The following SRRT variants were observed in gnomAD, a reference collection of about 807,000 sequenced individuals.
SRRT encodes the protein serrate, RNA effector molecule, also known as serrate RNA effector molecule homolog.
In SRRT, 32 loss-of-function variants were observed where a neutral mutation model predicts 103.2. The observed-to-expected ratio is 0.31, with a 90% confidence interval of 0.23 to 0.42. The LOEUF is 0.42. SRRT is among the 10% of genes least tolerant of loss of function. The pLI is 1.00. For missense variants in SRRT, 986 were observed against 1,207.5 expected, an observed-to-expected ratio of 0.82 and a Z score of 2.72; for synonymous variants, 525 against 449.0, an observed-to-expected ratio of 1.17 and a Z score of -2.14.
chr7:100,884,406 C>T lies in SRRT; in HGVS notation c.796C>T (p.Arg266Cys), dbSNP rs772392508. Residue 266 changes from arginine (R) to cysteine (C), a missense_variant, in exon 7 of 20, where the codon CGC becomes TGC. Arg to Cys is a radical substitution (Grantham distance 180). Coordinates refer to ENST00000611405, the MANE Select transcript of SRRT (RefSeq NM_015908.6). ...GGAAGGAGGCACGGAGAATGATCTT[C>T]GCATCCTGGAGCAGGAGGAGGAGGA... ...KMEGGTENDL[R>C]ILEQEEEEEQ... 1.5e-5 allele frequency: 25 copies of T among 1,613,508 alleles called. No homozygotes were observed. Among genetic ancestry groups the T allele is most frequent in the Middle Eastern group, 1.6e-4 (1 of 6,084 alleles).
intron 3 of SRRT, 113 bp from the exon 4 acceptor site, chr7:100,881,546 C>T (rs17162522): frequency 1.3e-6 from 2 of 1,569,940 alleles, no homozygotes; most frequent in Admixed American, 1.9e-5. Flanking sequence ...TTACTTTGTC[C>T]CTTGAAACCC....
intron 2 of SRRT, 114 bp downstream of exon 2, chr7:100,875,826 C>T: frequency 1.6e-5 from 22 of 1,359,830 alleles, no homozygotes; most frequent in Non-Finnish European, 2.1e-5. Flanking sequence ...TGAAATGGCT[C>T]ATTGGACCGT....
Position 100,886,359 on chromosome 7 carries a change from CG to C in SRRT, c.1573del (p.Ala525ProfsTer3). The C allele has an allele frequency of 6.2e-7, 1 of 1,613,782 alleles. No individual in the cohort carries two copies. Among genetic ancestry groups the C allele is most frequent in the Non-Finnish European group, 8.5e-7 (1 of 1,180,020 alleles). The part of the protein sequence containing the change: ...KQIVRNDIKL[A>X]AKLIHTLDDR... Reference sequence around the variant, plus strand: ...ATTGTGCGCAACGACATCAAGCTGGCGGCCAAGCTGATCCACACGCTGGATG... The same window carrying C: ...ATTGTGCGCAACGACATCAAGCTGGCGCCAAGCTGATCCACACGCTGGATG... On this transcript the variant is annotated frameshift_variant, in exon 13 of 20. Coordinates refer to ENST00000611405, the MANE Select transcript of SRRT (RefSeq NM_015908.6). LOFTEE classifies it high-confidence loss of function.
At chr7:100,875,876 A>C in intron 2 of SRRT, 164 bp downstream of exon 2, 2 of 800,322 alleles carry the variant, frequency 2.5e-6, no homozygotes, top group Non-Finnish European at 3.9e-6. Flanking sequence ...CCAAATAACT[A>C]GCTGTGGCTT....
Position 100,882,510 on chromosome 7 carries a change from G to A in SRRT, c.587+269G>A. 1 of 374,626 alleles carries A rather than the reference G, an allele frequency of 2.7e-6. No individual in the cohort carries two copies. Among genetic ancestry groups the A allele is most frequent in the South Asian group, 4.0e-5 (1 of 25,252 alleles). 23.2% of individuals were successfully genotyped at this position (374,626 alleles called of 1,614,324 possible). On this transcript the variant is annotated intron_variant, in intron 5 of 19. Transcript: ENST00000611405. The surrounding 1 kb of genome is among the most constrained non-coding windows in gnomAD (Gnocchi z 4.2). ...CAGAGCCACTTGGCCCCTTGGGGCA[G>A]CAGACAGACTGCTTCCCACTTGTTG...
rs1815556100 is a variant in SRRT at position 100,875,275 on chromosome 7, G to A, written c.-72G>A. On this transcript the variant is annotated 5_prime_UTR_variant, in exon 1 of 20. Transcript: ENST00000611405. ...TCGTCGCGCGCCCGCGACCCAGGTC[G>A]CCCTGAAATCTAGCCCGTCCGAGCG... 2 of 716,000 alleles carry A rather than the reference G, an allele frequency of 2.8e-6. No individual in the cohort carries two copies. The highest frequency in any genetic ancestry group is 3.7e-6 in the Non-Finnish European group (2 of 536,098). The allele number at this position is 716,000 out of a possible 1,614,324, so 44.4% of individuals were successfully genotyped here.
chr7:100,875,752 C>G lies in SRRT; in HGVS notation c.122+40C>G, dbSNP rs761675300. ...ACTTCATCTTGTCCCCGTTTCATGCCGTTTCACTCCACCCGCGTCGCTTTT... is the reference window on the plus strand; with the variant it reads ...ACTTCATCTTGTCCCCGTTTCATGCGGTTTCACTCCACCCGCGTCGCTTTT... On this transcript the variant is annotated intron_variant, in intron 2 of 19. Coordinates refer to ENST00000611405, the MANE Select transcript of SRRT (RefSeq NM_015908.6). 31 of 1,608,318 alleles carry G rather than the reference C, an allele frequency of 1.9e-5. No homozygotes were observed. In the African/African-American group the frequency reaches 2.1e-4, roughly 11 times the overall value.
At chr7:100,881,570 C>T in intron 3 of SRRT, 89 bp from the exon 4 acceptor site, 1 of 1,586,282 alleles carries the variant, frequency 6.3e-7, no homozygotes, top group Non-Finnish European at 8.6e-7. Flanking sequence ...TCTGGGAGAC[C>T]ATGCTGTGTG....
At position 100,885,227 on chromosome 7, in the gene SRRT, GAGA is replaced by G. The variant is rs751550017; in HGVS notation, c.1177_1179del (p.Lys393del). 4 of 1,613,940 alleles carry G rather than the reference GAGA, an allele frequency of 2.5e-6. No individual in the cohort carries two copies. The highest frequency in any genetic ancestry group is 3.3e-5 in the Admixed American group (2 of 59,984). ...TTCCTGCCTAGAAGAAGCGCTCAAG[GAGA>G]AGGAGAAGCCCAAGGAAGAAGAATG... is the stretch of plus-strand genomic sequence containing the variant. On this transcript the variant is annotated inframe_deletion, in exon 10 of 20. Coordinates refer to ENST00000611405, the MANE Select transcript of SRRT (RefSeq NM_015908.6). The surrounding 1 kb of genome is among the most constrained non-coding windows in gnomAD (Gnocchi z 4.8).
In SRRT at chr7:100,887,359, C is replaced by A; in HGVS notation, c.2015C>A (p.Pro672Gln). 1 of 1,614,158 alleles carries A rather than the reference C, an allele frequency of 6.2e-7. No homozygotes were observed. The highest frequency in any genetic ancestry group is 8.5e-7 in the Non-Finnish European group (1 of 1,180,034). Residue 672 changes from proline (P) to glutamine (Q), a missense_variant, in exon 16 of 20, where the codon CCG becomes CAG. Pro to Gln is a moderately conservative substitution (Grantham distance 76). Around this residue, in one of 6 missense-constraint regions of SRRT, gnomAD observed 349 missense variants for 446.9 expected, o/e 0.78. Coordinates refer to ENST00000611405, the MANE Select transcript of SRRT (RefSeq NM_015908.6). This position sits in a 1 kb window ranked among gnomAD's most constrained non-coding sequence, Gnocchi z 4.1. ...WQKTFEEKLT[P>Q]LLSVRESLSE... Reference sequence around the variant, plus strand: ...AAGACTTTTGAGGAGAAGCTCACGCCGTTGCTGAGTGTGCGGGAGTCACTC... The same window carrying A: ...AAGACTTTTGAGGAGAAGCTCACGCAGTTGCTGAGTGTGCGGGAGTCACTC...
Position 100,888,336 on chromosome 7 carries a change from T to C in SRRT, c.2508T>C (p.Tyr836=), listed in dbSNP as rs747439448. ...CGTATGGTGCTGGTCGAGGGAACTATGATGCCTTCCGAGGCCAGGGAGGTT... is the reference window on the plus strand; with the variant it reads ...CGTATGGTGCTGGTCGAGGGAACTACGATGCCTTCCGAGGCCAGGGAGGTT... The part of the protein sequence containing the change: ...HAPYGAGRGN[Y]DAFRGQGGYP... Residue 836 remains tyrosine, a synonymous_variant, in exon 19 of 20, where the codon TAT becomes TAC. Coordinates refer to ENST00000611405, the MANE Select transcript of SRRT (RefSeq NM_015908.6). 1.2e-6 allele frequency: 2 copies of C among 1,614,140 alleles called. No homozygotes were observed. The highest frequency in any genetic ancestry group is 3.3e-5 in the Admixed American group (2 of 60,020).
chr7:100,887,568 A>C lies in SRRT; in HGVS notation c.2169+55A>C. The C allele has an allele frequency of 3.8e-6, 6 of 1,595,378 alleles. No homozygotes were observed. Among genetic ancestry groups the C allele is most frequent in the Non-Finnish European group, 5.1e-6 (6 of 1,168,544 alleles). ...CGGTGGTGGGAGGTGGGGTTGAGAC[A>C]GGAAGCCCCCTGGGCAGGGGTGGGG... On this transcript the variant is annotated intron_variant, in intron 16 of 19. Coordinates refer to ENST00000611405, the MANE Select transcript of SRRT (RefSeq NM_015908.6). This position sits in a 1 kb window ranked among gnomAD's most constrained non-coding sequence, Gnocchi z 4.1.
At position 100,888,267 on chromosome 7, in the gene SRRT, C is replaced by A. The variant is rs892330531; in HGVS notation, c.2439C>A (p.Val813=). 1 of 1,608,530 alleles carries A rather than the reference C, an allele frequency of 6.2e-7. No homozygotes were observed. Among genetic ancestry groups the A allele is most frequent in the Admixed American group, 1.7e-5 (1 of 59,576 alleles). The change falls in exon 19 of 20, where the codon GTC becomes GTA. Residue 813 remains valine (V), a synonymous_variant. Coordinates refer to ENST00000611405, the MANE Select transcript of SRRT (RefSeq NM_015908.6). ...TGATCTCTGTCATAGCTGGTGCTGTCCGCCCTGCAGTCCCCACAGGAGGCC... is the reference window on the plus strand; with the variant it reads ...TGATCTCTGTCATAGCTGGTGCTGTACGCCCTGCAGTCCCCACAGGAGGCC... ...PPILGYGAGA[V]RPAVPTGGPP...
At chr7:100,881,924 G>T in intron 4 of SRRT, 119 bp downstream of exon 4, 1 of 1,477,656 alleles carries the variant, frequency 6.8e-7, no homozygotes, top group South Asian at 1.3e-5. Flanking sequence ...CCTGGGGTAG[G>T]GGTGGTAGCT....
In SRRT at chr7:100,882,364, G is replaced by A. The variant is rs906888891; in HGVS notation, c.587+123G>A. On this transcript the variant is annotated intron_variant, in intron 5 of 19. Coordinates refer to ENST00000611405, the MANE Select transcript of SRRT (RefSeq NM_015908.6). The surrounding 1 kb of genome is among the most constrained non-coding windows in gnomAD (Gnocchi z 4.2). ...AGAACTTTCTGGGGGCGGGGGTCGGGAAGTATGACAGCATTGGCTGATGGG... is the reference window on the plus strand; with the variant it reads ...AGAACTTTCTGGGGGCGGGGGTCGGAAAGTATGACAGCATTGGCTGATGGG... The A allele has an allele frequency of 6.3e-6, 7 of 1,116,874 alleles. No homozygotes were observed. The Admixed American group carries it at 1.6e-4, about 26-fold the overall frequency. The allele number at this position is 1,116,874 out of a possible 1,614,324, so 69.2% of individuals were successfully genotyped here.
At chr7:100,884,029 C>A in intron 5 of SRRT, 41 bp from the exon 6 acceptor site, 1 of 1,514,236 alleles carries the variant, frequency 6.6e-7, no homozygotes, top group Non-Finnish European at 8.8e-7. Flanking sequence ...CCTTGGCTTC[C>A]AATAACTGTT....
intron 6 of SRRT, 39 bp from the exon 7 acceptor site, chr7:100,884,328 AG>A (rs1475335081): frequency 3.1e-6 from 5 of 1,610,894 alleles, no homozygotes; most frequent in Non-Finnish European, 4.2e-6. Context: ...GACAGGAGCC[AG>A]GGCCCTGGGG....
At position 100,884,109 on chromosome 7, in the gene SRRT, T is replaced by G; in HGVS notation, c.627T>G (p.Arg209=). ...ACCACCCAGATGAGGTGGGGAAGCG[T>G]CGGCAGGAGGCCCGGGGGGCCCTGC... ...SKYHPDEVGK[R]RQEARGALQN... is the part of the protein sequence containing the mutation. Residue 209 remains arginine (R), a synonymous_variant, in exon 6 of 20, where the codon CGT becomes CGG. Transcript: ENST00000611405. 1 of 1,608,918 alleles carries G rather than the reference T, an allele frequency of 6.2e-7. No individual in the cohort carries two copies. The highest frequency in any genetic ancestry group is 8.5e-7 in the Non-Finnish European group (1 of 1,178,690).
chr7:100,880,139 T>A (rs1380660205), intron 2 of SRRT, among the ~76,000 whole-genome samples: 2 of 152,178 alleles, frequency 1.3e-5, no homozygotes, highest in African/African-American at 4.8e-5. Context: ...GGGACAGCTT[T>A]GATAGGCTTT....
Sources: allele counts gnomAD v4.1 joint callset (sites outside exome capture counted in the v4.1 genomes callset), GRCh38; gene constraint gnomAD v4.1.1; regional missense constraint gnomAD v4.1.1; non-coding constraint Gnocchi (gnomAD v3.1); transcripts MANE v1.5; gene names NCBI Gene and HGNC (gene_info 2026-07-23, HGNC 2026-07-21).